The following KLHL1 variants were observed in gnomAD, a reference collection of about 807,000 sequenced individuals.
The protein encoded by KLHL1 is kelch-like protein 1.
In KLHL1, 47 loss-of-function variants were observed where a neutral mutation model predicts 77.7. The ratio of observed to expected loss-of-function variants is 0.60; its 90% CI spans 0.48 to 0.77. The LOEUF is 0.77. KLHL1 is among the 30% of genes least tolerant of loss of function. KLHL1 has a pLI of 0.00. For synonymous variants in KLHL1, 360 were observed against 325.2 expected, an observed-to-expected ratio of 1.11 and a Z score of -1.15; for missense variants, 925 against 910.8, an observed-to-expected ratio of 1.02 and a Z score of -0.20.
intron 1 of KLHL1, among the ~76,000 whole-genome samples, chr13:70,011,444 T>C (rs965851033): frequency 6.6e-6 from 1 of 152,196 alleles, no homozygotes; most frequent in African/African-American, 2.4e-5. Flanking sequence ...TTCTTCCTTA[T>C]TGATATTTTG....
intron 6 of KLHL1, among the ~76,000 whole-genome samples, chr13:69,799,110 T>C (rs1196646142): frequency 6.6e-6 from 1 of 151,166 alleles, no homozygotes; most frequent in Non-Finnish European, 1.5e-5. Flanking sequence ...AAAAAAAGGT[T>C]TACACAGATA....
rs371371713 is a variant in KLHL1, at chr13:70,008,420, G to A, written c.498-32618C>T. On this transcript the variant is annotated intron_variant, in intron 1 of 10. Transcript: ENST00000377844. ...TTTTTGTCATTCTATGAACATATAAGTGTGTATGTATCTATCTACTATGCC... is the reference window on the plus strand; with the variant it reads ...TTTTTGTCATTCTATGAACATATAAATGTGTATGTATCTATCTACTATGCC... Among the ~76,000 whole-genome samples the A allele has an allele frequency of 2.6e-5, 4 of 152,026 alleles. No individual in the cohort carries two copies. In the South Asian group the frequency reaches 6.2e-4, roughly 24 times the overall value.
At chr13:70,061,447 T>C (rs919900089) in intron 1 of KLHL1, among the ~76,000 whole-genome samples, 2 of 152,026 alleles carry the variant, frequency 1.3e-5, no homozygotes, top group African/African-American at 4.8e-5. Flanking sequence ...ACATAAACAG[T>C]ATATTAATCA....
chr13:70,021,699 T>C (rs1440154412), intron 1 of KLHL1, among the ~76,000 whole-genome samples: 1 of 152,066 alleles, frequency 6.6e-6, no homozygotes, highest in Non-Finnish European at 1.5e-5. Context: ...GGCATCCTAA[T>C]AGGTGCCTCA....
chr13:69,936,018 C>T (rs1394594676), intron 4 of KLHL1, among the ~76,000 whole-genome samples: 1 of 152,102 alleles, frequency 6.6e-6, no homozygotes, highest in Non-Finnish European at 1.5e-5. Flanking sequence ...TATGATATCA[C>T]ACAATCCTAA....
At chr13:69,877,725 A>C (rs1210972131) in intron 5 of KLHL1, among the ~76,000 whole-genome samples, 1 of 152,096 alleles carries the variant, frequency 6.6e-6, no homozygotes, top group African/African-American at 2.4e-5. Flanking sequence ...TAGTTATTAT[A>C]TTTCAATAGA....
At chr13:70,064,344 T>C (rs970161115) in intron 1 of KLHL1, among the ~76,000 whole-genome samples, 34 of 152,248 alleles carry the variant, frequency 2.2e-4, no homozygotes, top group African/African-American at 8.2e-4. Context: ...TAAGTGTGAA[T>C]AGGGAAATCA....
At chr13:69,861,185 G>A (rs1469259165) in intron 5 of KLHL1, among the ~76,000 whole-genome samples, 2 of 152,048 alleles carry the variant, frequency 1.3e-5, no homozygotes, top group Non-Finnish European at 2.9e-5. Context: ...ACTGATAAGT[G>A]AAATTACTTC....
chr13:69,774,485 T>C (rs532403998), intron 7 of KLHL1, among the ~76,000 whole-genome samples: 1 of 152,180 alleles, frequency 6.6e-6, no homozygotes, highest in South Asian at 2.1e-4. Context: ...TGCCATATCC[T>C]CTCTCTCTTC....
At chr13:69,924,198 A>G (rs1882737715) in intron 4 of KLHL1, among the ~76,000 whole-genome samples, 1 of 152,178 alleles carries the variant, frequency 6.6e-6, no homozygotes. Flanking sequence ...CATTGATGAC[A>G]GCAGAAAGCA....
intron 7 of KLHL1, among the ~76,000 whole-genome samples, chr13:69,789,948 C>T (rs748554432): frequency 6.6e-6 from 1 of 152,006 alleles, no homozygotes; most frequent in Non-Finnish European, 1.5e-5. Flanking sequence ...GCAGAGACGC[C>T]AGCTGAAGCA....
intron 4 of KLHL1, among the ~76,000 whole-genome samples, chr13:69,926,332 C>CT (rs111790734): frequency 1.3e-5 from 2 of 152,154 alleles, no homozygotes; most frequent in African/African-American, 2.4e-5. Flanking sequence ...AATGCCATGA[C>CT]TTTAAAAAAA....
intron 1 of KLHL1, among the ~76,000 whole-genome samples, chr13:70,082,706 A>C (rs867038394): frequency 5.3e-5 from 8 of 152,202 alleles, no homozygotes; most frequent in South Asian, 4.1e-4. Flanking sequence ...AAAGACACAG[A>C]ATCAACCCAG....
At chr13:69,900,603 A>G (rs1881820066) in intron 4 of KLHL1, among the ~76,000 whole-genome samples, 1 of 152,204 alleles carries the variant, frequency 6.6e-6, no homozygotes, top group African/African-American at 2.4e-5. Context: ...AGACACAGTA[A>G]AAGTTTTACT....
chr13:69,747,055 G>A (rs1018599534), intron 7 of KLHL1, among the ~76,000 whole-genome samples: 13 of 152,046 alleles, frequency 8.6e-5, no homozygotes, highest in African/African-American at 2.9e-4. Context: ...CATGGAGAAA[G>A]TCGAAACAAA....
intron 1 of KLHL1, among the ~76,000 whole-genome samples, chr13:70,039,462 T>C (rs1405081995): frequency 6.6e-6 from 1 of 152,098 alleles, no homozygotes; most frequent in Non-Finnish European, 1.5e-5. Flanking sequence ...CATAAATAAT[T>C]TTTTGGCCAA....
chr13:69,760,726 G>A (rs1219875174), intron 7 of KLHL1, among the ~76,000 whole-genome samples: 3 of 152,016 alleles, frequency 2.0e-5, no homozygotes, highest in Non-Finnish European at 4.4e-5. Flanking sequence ...CTTTTTTCAG[G>A]AGGCAATACA....
intron 5 of KLHL1, among the ~76,000 whole-genome samples, chr13:69,875,720 G>A (rs1335201520): frequency 6.6e-6 from 1 of 152,000 alleles, no homozygotes; most frequent in African/African-American, 2.4e-5. Context: ...TGTCACAGGA[G>A]GGCTAAATGA....
chr13:70,091,176 C>G (rs1258337045), intron 1 of KLHL1, among the ~76,000 whole-genome samples: 1 of 152,050 alleles, frequency 6.6e-6, no homozygotes, highest in African/African-American at 2.4e-5. Flanking sequence ...CTTTTTTCCT[C>G]TATCTTGTGA....
Sources: allele counts gnomAD v4.1 joint callset (sites outside exome capture counted in the v4.1 genomes callset), GRCh38; gene constraint gnomAD v4.1.1; transcripts MANE v1.5; gene names NCBI Gene and HGNC (gene_info 2026-07-23, HGNC 2026-07-21).